SCG3: variants seen among roughly 807,000 people sequenced by gnomAD.
SCG3 encodes the protein secretogranin-3.
SCG3 carries 38 observed loss-of-function variants against 56.2 expected under a neutral mutation model. That is an observed-to-expected ratio of 0.68 (90% confidence interval 0.52 to 0.89). The LOEUF (loss-of-function observed/expected upper bound fraction) is 0.89. Among genes scored for constraint, SCG3 ranks in the 40% least tolerant of loss-of-function variants. The pLI, the probability that SCG3 is intolerant of heterozygous loss-of-function variation, is 0.00. For synonymous variants in SCG3, 176 were observed against 184.2 expected (o/e 0.96, Z 0.36); for missense variants, 524 against 540.7 (o/e 0.97, Z 0.31).
Position 51,683,238 on chromosome 15 carries a change from C to G in SCG3, c.201C>G (p.Ser67Arg). ...TTCCAGAAAACAAGCCAGGTCAGAG[C>G]AACTATTCTTTTGTTGATAACTTGA... ...TYPPENKPGQ[S>R]NYSFVDNLNL... is the part of the protein sequence containing the mutation. Residue 67 changes from serine to arginine, a missense_variant, in exon 4 of 12, where the codon AGC becomes AGG. Physicochemically the swap from Ser to Arg is moderately radical, Grantham distance 110. Transcript: ENST00000220478. 1 of 1,613,438 alleles carries G rather than the reference C, an allele frequency of 6.2e-7. No homozygotes were observed. Among genetic ancestry groups the G allele is most frequent in the Non-Finnish European group, 8.5e-7 (1 of 1,179,732 alleles).
At chr15:51,702,942 T>C (rs1396812885) in intron 10 of SCG3, among the ~76,000 whole-genome samples, 2 of 152,174 alleles carry the variant, frequency 1.3e-5, no homozygotes, top group Non-Finnish European at 2.9e-5. Context: ...CACAGCAAGA[T>C]TAATGTCTCA....
chr15:51,716,151 C>A (rs536660930), intron 11 of SCG3, among the ~76,000 whole-genome samples: 26 of 152,304 alleles, frequency 1.7e-4, no homozygotes, highest in Admixed American at 3.9e-4. Context: ...GCCACCGCGC[C>A]CAGCAAGGCA....
intron 9 of SCG3, 76 bp downstream of exon 9, chr15:51,699,478 CATTA>C: frequency 1.0e-6 from 1 of 960,658 alleles, no homozygotes. Context: ...CTTTAATAAA[CATTA>C]ATTTAAAAAT....
chr15:51,713,409 A>C lies in SCG3; in HGVS notation c.1284A>C (p.Lys428Asn). 1.3e-6 allele frequency: 2 copies of C among 1,594,874 alleles called. No individual in the cohort carries two copies. The highest frequency in any genetic ancestry group is 1.7e-6 in the Non-Finnish European group (2 of 1,168,634). The change falls in exon 11 of 12, where the codon AAA becomes AAC. Residue 428 changes from lysine (K) to asparagine (N), a missense_variant. Lys to Asn is a moderately conservative substitution (Grantham distance 94). Coordinates refer to ENST00000220478, the MANE Select transcript of SCG3 (RefSeq NM_013243.4). ...AGAAACATGACAAAAAGGGAAATAA[A>C]GAAGGTAGGACCAAGTGTGGTTGTA... ...WLKKHDKKGN[K>N]EDYDLSKMRD...
intron 11 of SCG3, among the ~76,000 whole-genome samples, chr15:51,719,080 C>T (rs188979746): frequency 1.3e-5 from 2 of 152,286 alleles, no homozygotes; most frequent in Admixed American, 1.3e-4. Flanking sequence ...TCTGCCACTT[C>T]CCAATAGCCC....
chr15:51,690,975 GTATT>G (rs1331160015), intron 6 of SCG3, among the ~76,000 whole-genome samples: 1 of 152,174 alleles, frequency 6.6e-6, no homozygotes, highest in Non-Finnish European at 1.5e-5. Flanking sequence ...AAATCATCAT[GTATT>G]TTCATTACAA....
intron 7 of SCG3, 105 bp downstream of exon 7, chr15:51,692,441 A>G: frequency 1.8e-6 from 2 of 1,083,944 alleles, no homozygotes; most frequent in Admixed American, 4.5e-5. Flanking sequence ...TGTAATCTCC[A>G]ATGACATACA....
At chr15:51,706,270 C>T (rs996796679) in intron 10 of SCG3, among the ~76,000 whole-genome samples, 15 of 152,172 alleles carry the variant, frequency 9.9e-5, no homozygotes, top group African/African-American at 3.1e-4. Context: ...GCATGCCTAG[C>T]GCTGTGCTTA....
intron 10 of SCG3, among the ~76,000 whole-genome samples, chr15:51,703,714 A>G (rs987533780): frequency 6.6e-6 from 1 of 152,222 alleles, no homozygotes; most frequent in Non-Finnish European, 1.5e-5. Context: ...ATGAGTGGTG[A>G]TAGTGGCAAA....
intron 10 of SCG3, among the ~76,000 whole-genome samples, chr15:51,702,170 A>G (rs1166855677): frequency 6.6e-6 from 1 of 152,256 alleles, no homozygotes; most frequent in Non-Finnish European, 1.5e-5. Flanking sequence ...ACTTGATAAA[A>G]ATGACAAATT....
chr15:51,681,724 G>A lies in SCG3; in HGVS notation c.-32G>A. 1.3e-6 allele frequency: 2 copies of A among 1,526,834 alleles called. No homozygotes were observed. Among genetic ancestry groups the A allele is most frequent in the African/African-American group, 2.8e-5 (2 of 72,416 alleles). The allele number at this position is 1,526,834 out of a possible 1,614,324, so 94.6% of individuals were successfully genotyped here. A position where few individuals can be genotyped will look rare whatever the true frequency, so the allele number is the denominator to read the frequency against. ...AAAGCTACAGCTCCAGGAGCCCAGC[G>A]CCGGGCTGTGACCCAAGCCGAGCGT... is the stretch of plus-strand genomic sequence containing the variant. On this transcript the variant is annotated 5_prime_UTR_variant, in exon 1 of 12. Coordinates refer to ENST00000220478, the MANE Select transcript of SCG3 (RefSeq NM_013243.4).
intron 10 of SCG3, among the ~76,000 whole-genome samples, chr15:51,709,279 CT>C (rs1425182704): frequency 6.6e-6 from 1 of 152,050 alleles, no homozygotes; most frequent in Non-Finnish European, 1.5e-5. Flanking sequence ...AACCGCCCCC[CT>C]GATTCAATTA....
At chr15:51,713,504 C>A in intron 11 of SCG3, 91 bp downstream of exon 11, 1 of 827,270 alleles carries the variant, frequency 1.2e-6, no homozygotes, top group Non-Finnish European at 1.9e-6. Flanking sequence ...ATTGACTGTG[C>A]TAAAGTCTCC....
chr15:51,688,695 C>T (rs1367985587), intron 5 of SCG3, among the ~76,000 whole-genome samples: 1 of 151,772 alleles, frequency 6.6e-6, no homozygotes, highest in Non-Finnish European at 1.5e-5. Context: ...GAGGAAGAGG[C>T]GTATGAAGGA....
chr15:51,713,825 C>T (rs369532458), intron 11 of SCG3, among the ~76,000 whole-genome samples: 2 of 152,122 alleles, frequency 1.3e-5, no homozygotes, highest in Non-Finnish European at 2.9e-5. Flanking sequence ...AGCAGTCACT[C>T]GCTTACATAA....
intron 11 of SCG3, among the ~76,000 whole-genome samples, chr15:51,717,376 A>G (rs1223435212): frequency 1.3e-5 from 2 of 151,606 alleles, no homozygotes; most frequent in Non-Finnish European, 2.9e-5. Flanking sequence ...TCAAAAAAAA[A>G]AAAAAAATTA....
chr15:51,717,015 CAGG>C (rs767835394), intron 11 of SCG3, among the ~76,000 whole-genome samples: 16 of 152,142 alleles, frequency 1.1e-4, no homozygotes, highest in Non-Finnish European at 2.2e-4. Flanking sequence ...CACTTGAGGC[CAGG>C]AGTTTGAGAC....
chr15:51,717,411 T>C (rs1233253203), intron 11 of SCG3, among the ~76,000 whole-genome samples: 3 of 150,912 alleles, frequency 2.0e-5, no homozygotes, highest in Admixed American at 6.6e-5. Context: ...TGTGCGCTTG[T>C]AGTCCCAAGT....
At chr15:51,714,123 G>A (rs2055438147) in intron 11 of SCG3, among the ~76,000 whole-genome samples, 1 of 152,178 alleles carries the variant, frequency 6.6e-6, no homozygotes, top group Admixed American at 6.5e-5. Context: ...CAGAGGGGTG[G>A]TTCTGGGAAC....
Sources: gnomAD v4.1 joint callset for allele counts (sites outside exome capture counted in the v4.1 genomes callset) on GRCh38, gnomAD v4.1.1 for gene constraint, MANE v1.5 for transcripts, NCBI Gene and HGNC (gene_info 2026-07-23, HGNC 2026-07-21) for gene names.